Variants in TMEM94 observed in about 807,000 individuals in gnomAD.
The protein encoded by TMEM94 is transmembrane protein 94, also known as ER Mg2+ ATPase.
A neutral mutation model predicts 158.6 loss-of-function variants in TMEM94; 81 were observed. The ratio of observed to expected loss-of-function variants is 0.51; its 90% CI spans 0.43 to 0.61. The LOEUF is 0.61. TMEM94 is among the 20% of genes least tolerant of loss of function. The pLI is 0.00. For missense variants in TMEM94, 1,435 were observed against 1,762.0 expected (o/e 0.81, Z 3.32); for synonymous variants, 751 against 730.7 (o/e 1.03, Z -0.45).
chr17:75,484,761 G>C (rs976780836), intron 2 of TMEM94, among the ~76,000 whole-genome samples: 1 of 151,988 alleles, frequency 6.6e-6, no homozygotes, highest in Non-Finnish European at 1.5e-5. Context: ...TTTAGGCCAG[G>C]CACAGTGGCT....
At chr17:75,459,174 A>G (rs1279069770) in intron 1 of TMEM94, among the ~76,000 whole-genome samples, 1 of 152,226 alleles carries the variant, frequency 6.6e-6, no homozygotes, top group Non-Finnish European at 1.5e-5. Context: ...CTTAGCTGCT[A>G]TGTTAGCTCT....
At chr17:75,475,700 G>A (rs2050656805) in intron 2 of TMEM94, among the ~76,000 whole-genome samples, 1 of 149,634 alleles carries the variant, frequency 6.7e-6, no homozygotes, top group African/African-American at 2.5e-5. Context: ...TCTGCCTGGG[G>A]GATGCAGGGC....
chr17:75,484,092 G>A (rs1175179621), intron 2 of TMEM94, among the ~76,000 whole-genome samples: 5 of 152,320 alleles, frequency 3.3e-5, no homozygotes, highest in East Asian at 3.9e-4. Flanking sequence ...TGGTCCCTGC[G>A]TCGTCGGGGC....
chr17:75,494,507 C>A, intron 18 of TMEM94, 120 bp from the exon 19 acceptor site: 1 of 917,406 alleles, frequency 1.1e-6, no homozygotes, highest in Non-Finnish European at 1.6e-6. Flanking sequence ...TGTGTCTTGG[C>A]TGTGTGTGGT....
At chr17:75,477,214 T>C (rs1567921014) in intron 2 of TMEM94, among the ~76,000 whole-genome samples, 1 of 152,132 alleles carries the variant, frequency 6.6e-6, no homozygotes, top group African/African-American at 2.4e-5. Flanking sequence ...GTGAAAGTAC[T>C]AAGGTCAGCA....
chr17:75,464,840 C>G (rs1008588213), intron 1 of TMEM94, among the ~76,000 whole-genome samples: 1 of 151,890 alleles, frequency 6.6e-6, no homozygotes, highest in East Asian at 1.9e-4. Flanking sequence ...TCCCAAGTAG[C>G]TGGGACTACA....
chr17:75,490,251 C>T lies in TMEM94; in HGVS notation c.972C>T (p.Pro324=). 6.2e-7 allele frequency: 1 copy of T among 1,614,104 alleles called. No homozygotes were observed. Among genetic ancestry groups the T allele is most frequent in the Non-Finnish European group, 8.5e-7 (1 of 1,180,012 alleles). The change falls in exon 10 of 32, where the codon CCC becomes CCT. Residue 324 remains proline (P), a synonymous_variant. Coordinates refer to ENST00000314256, the MANE Select transcript of TMEM94 (RefSeq NM_014738.6). The stretch of plus-strand genomic sequence containing the variant: ...CTTCCCAGGTGAATGGCGTCCTGCC[C>T]ATCCTCCCCCTGCTCTTTCCAGTCC... The part of the protein sequence containing the change: ...LLQLQVNGVL[P]ILPLLFPVLW...
Position 75,491,010 on chromosome 17 carries a change from A to C in TMEM94, c.1129-39A>C, listed in dbSNP as rs374695980. On this transcript the variant is annotated intron_variant, in intron 11 of 31. Transcript: ENST00000314256. This position sits in a 1 kb window ranked among gnomAD's most constrained non-coding sequence, Gnocchi z 5.1. ...GGCCGTCTCCAGGGAAATGAGGCTG[A>C]GCCCTAAATGGCCTTGCAGACTTCC... 2.0e-6 allele frequency: 3 copies of C among 1,489,168 alleles called. No individual in the cohort carries two copies. The African/African-American group carries it at 4.2e-5, about 21-fold the overall frequency. The allele number at this position is 1,489,168 out of a possible 1,614,324, so 92.2% of individuals were successfully genotyped here.
At chr17:75,467,526 T>C (rs1481511219) in intron 1 of TMEM94, among the ~76,000 whole-genome samples, 39 of 138,074 alleles carry the variant, frequency 2.8e-4, no homozygotes, top group Admixed American at 7.1e-4. Context: ...TTTTCTTTTT[T>C]TTTTTTTTTT....
chr17:75,483,526 T>A (rs1413685102), intron 2 of TMEM94, among the ~76,000 whole-genome samples: 2 of 151,456 alleles, frequency 1.3e-5, no homozygotes, highest in Non-Finnish European at 2.9e-5. Context: ...AGTGGCGTGA[T>A]CTTGGCTCAC....
At chr17:75,497,927 A>G in intron 27 of TMEM94, 65 bp downstream of exon 27, 1 of 1,454,124 alleles carries the variant, frequency 6.9e-7, no homozygotes, top group Non-Finnish European at 9.6e-7. Context: ...TTGGGGGAGG[A>G]GAGAGGGGCT....
At position 75,498,271 on chromosome 17, in the gene TMEM94, G is replaced by A; in HGVS notation, c.3586G>A (p.Asp1196Asn). 6.2e-7 allele frequency: 1 copy of A among 1,613,586 alleles called. No homozygotes were observed. The highest frequency in any genetic ancestry group is 8.5e-7 in the Non-Finnish European group (1 of 1,180,026). ...TGGCTTCACACTGCAGAGCTTCTGT[G>A]ACAGCTCCCGGGACCGCAACCTCAC... is the stretch of plus-strand genomic sequence containing the variant. ...CFGFTLQSFC[D>N]SSRDRNLTNC... The change falls in exon 28 of 32, where the codon GAC (aspartate) becomes AAC (asparagine). Residue 1196 changes from aspartate (D) to asparagine (N), a missense_variant. Coordinates refer to ENST00000314256, the MANE Select transcript of TMEM94 (RefSeq NM_014738.6). The surrounding 1 kb of genome is among the most constrained non-coding windows in gnomAD (Gnocchi z 6.7).
chr17:75,476,790 T>C (rs1426356198), intron 2 of TMEM94: 6 of 1,535,094 alleles, frequency 3.9e-6, no homozygotes, highest in Non-Finnish European at 5.2e-6. Flanking sequence ...AAATGCTGTG[T>C]TCCCTGCTTT....
intron 1 of TMEM94, among the ~76,000 whole-genome samples, chr17:75,467,092 A>G (rs2146154571): frequency 6.7e-6 from 1 of 149,980 alleles, no homozygotes; most frequent in South Asian, 2.1e-4. Flanking sequence ...CTCCTGCCTC[A>G]GCCTCCCAAG....
At chr17:75,486,024 A>G (rs1181423005) in intron 4 of TMEM94, 26 bp downstream of exon 4, 2 of 1,494,766 alleles carry the variant, frequency 1.3e-6, no homozygotes, top group Non-Finnish European at 1.8e-6. Flanking sequence ...CTGCTCCCCA[A>G]CCTCTCCAGC....
chr17:75,488,084 A>G lies in TMEM94; in HGVS notation c.562A>G (p.Ile188Val), dbSNP rs181375215. 17 of 1,614,122 alleles carry G rather than the reference A, an allele frequency of 1.1e-5. No homozygotes were observed. The East Asian group carries it at 2.9e-4, about 28-fold the overall frequency. Reference sequence around the variant, plus strand: ...CAGCCTGCTGGTTGAAGGAGACATCATAGCTTTGAGGCCTGGCCAGGAATC... The same window carrying G: ...CAGCCTGCTGGTTGAAGGAGACATCGTAGCTTTGAGGCCTGGCCAGGAATC... Reference protein sequence around the residue: ...PVSLLVEGDIIALRPGQESFA... With the variant: ...PVSLLVEGDIVALRPGQESFA... Residue 188 changes from isoleucine to valine, a missense_variant, in exon 6 of 32, where the codon ATA becomes GTA. By Grantham distance (29) the Ile-to-Val change is conservative (BLOSUM62 3). Transcript: ENST00000314256.
At position 75,485,800 on chromosome 17, in the gene TMEM94, G is replaced by A; in HGVS notation, c.145-71G>A. 6.6e-7 allele frequency: 1 copy of A among 1,519,478 alleles called. No homozygotes were observed. The highest frequency in any genetic ancestry group is 8.9e-7 in the Non-Finnish European group (1 of 1,126,076). 94.1% of individuals were successfully genotyped at this position (1,519,478 alleles called of 1,614,324 possible). Reference sequence around the variant, plus strand: ...AAGGCGGCCATGGGGGCTGGGAAGGGTGCCGGGGGAGGCAGCCAGATTGGA... The same window carrying A: ...AAGGCGGCCATGGGGGCTGGGAAGGATGCCGGGGGAGGCAGCCAGATTGGA... On this transcript the variant is annotated intron_variant, in intron 3 of 31. Transcript: ENST00000314256. This position sits in a 1 kb window ranked among gnomAD's most constrained non-coding sequence, Gnocchi z 5.5.
chr17:75,483,677 C>G (rs750318541), intron 2 of TMEM94, among the ~76,000 whole-genome samples: 7 of 152,044 alleles, frequency 4.6e-5, no homozygotes, highest in Non-Finnish European at 1.0e-4. Flanking sequence ...CCTGGCCAGG[C>G]TGGTCTCAAA....
chr17:75,485,631 C>A lies in TMEM94; in HGVS notation c.144+84C>A. On this transcript the variant is annotated intron_variant, in intron 3 of 31. Coordinates refer to ENST00000314256, the MANE Select transcript of TMEM94 (RefSeq NM_014738.6). The surrounding 1 kb of genome is among the most constrained non-coding windows in gnomAD (Gnocchi z 5.5). ...GCCCCTTCTCAGGACTCTGATGTAC[C>A]CTGTCACCCTGGACAGTGTGACCCA... 1.3e-6 allele frequency: 2 copies of A among 1,565,074 alleles called. No individual in the cohort carries two copies. Among genetic ancestry groups the A allele is most frequent in the East Asian group, 2.2e-5 (1 of 44,548 alleles).
Sources: allele counts gnomAD v4.1 joint callset (sites outside exome capture counted in the v4.1 genomes callset), GRCh38; gene constraint gnomAD v4.1.1; non-coding constraint Gnocchi (gnomAD v3.1); transcripts MANE v1.5; gene names NCBI Gene and HGNC (gene_info 2026-07-23, HGNC 2026-07-21).